The following PRELID2 variants were observed in gnomAD, a reference collection of about 807,000 sequenced individuals.
PRELID2 encodes PRELI domain containing 2, also known as PRELI domain-containing protein 2.
A neutral mutation model predicts 28.4 loss-of-function variants in PRELID2; 25 were observed. The ratio of observed to expected loss-of-function variants is 0.88; its 90% CI spans 0.64 to 1.23. PRELID2 has a LOEUF of 1.23. PRELID2 is among the 50% of genes most tolerant of loss of function. The pLI is 0.00. For synonymous variants in PRELID2, 76 were observed against 71.6 expected, an observed-to-expected ratio of 1.06 and a Z score of -0.31; for missense variants, 201 against 214.4, an observed-to-expected ratio of 0.94 and a Z score of 0.39.
chr5:145,465,448 C>A, the PRELID2 span, among the ~76,000 whole-genome samples: 1 of 152,124 alleles, frequency 6.6e-6, no homozygotes, highest in African/African-American at 2.4e-5. Flanking sequence ...AAACCCAGAT[C>A]TTTCTCTCTG....
At chr5:145,471,155 A>G (rs148276366), downstream of PRELID2, among the ~76,000 whole-genome samples, 127 of 152,216 alleles carry the variant, frequency 8.3e-4, no homozygotes, top group African/African-American at 2.9e-3. Flanking sequence ...TAAGAAGCCA[A>G]ATTGACAGGC....
chr5:145,640,189 A>G (rs1272904751), intron 1 of PRELID2, among the ~76,000 whole-genome samples: 1 of 151,574 alleles, frequency 6.6e-6, no homozygotes, highest in Non-Finnish European at 1.5e-5. Flanking sequence ...GAAAAAATAC[A>G]AAAAAATTGG....
chr5:145,668,891 T>C (rs1754648756), intron 1 of PRELID2, among the ~76,000 whole-genome samples: 1 of 152,132 alleles, frequency 6.6e-6, no homozygotes, highest in African/African-American at 2.4e-5. Context: ...GCTTGACTAA[T>C]AGCTTAATCG....
chr5:145,556,177 CA>C (rs1231402100), intron 1 of PRELID2, among the ~76,000 whole-genome samples: 664 of 61,224 alleles, frequency 0.011, 1 homozygote, highest in African/African-American at 0.021. Flanking sequence ...GACTCTATCT[CA>C]AAAAAAAAAA....
chr5:145,703,707 G>C (rs995599685), intron 1 of PRELID2, among the ~76,000 whole-genome samples: 3 of 152,158 alleles, frequency 2.0e-5, no homozygotes, highest in African/African-American at 7.2e-5. Context: ...AGAAAAGAGA[G>C]ATGTTCAAGA....
Position 145,796,560 on chromosome 5 carries a change from CA to C in PRELID2, c.369-14del. 1 of 1,523,830 alleles carries C rather than the reference CA, an allele frequency of 6.6e-7. No homozygotes were observed. Among genetic ancestry groups the C allele is most frequent in the Non-Finnish European group, 9.0e-7 (1 of 1,113,790 alleles). The allele number at this position is 1,523,830 out of a possible 1,614,324, so 94.4% of individuals were successfully genotyped here. Reference sequence around the variant, plus strand: ...AATGAACTCTGTCCTGCAAAAAAAACAAAAAACACATCTTTGATGTCATTCT... The same window carrying C: ...AATGAACTCTGTCCTGCAAAAAAAACAAAAACACATCTTTGATGTCATTCT... On this transcript the variant is annotated splice_polypyrimidine_tract_variant and intron_variant, in intron 4 of 6. Transcript: ENST00000683046.
intron 1 of PRELID2, among the ~76,000 whole-genome samples, chr5:145,740,972 A>G (rs1233965594): frequency 8.7e-6 from 1 of 114,340 alleles, no homozygotes; most frequent in East Asian, 2.8e-4. Context: ...AGTATATATT[A>G]TATATTTGTG....
the PRELID2 span, among the ~76,000 whole-genome samples, chr5:145,280,239 T>A: frequency 2.0e-5 from 3 of 152,128 alleles, no homozygotes; most frequent in East Asian, 5.8e-4. Context: ...TATAAAAACC[T>A]CACACATTTT....
At chr5:145,403,583 G>A in the PRELID2 span, among the ~76,000 whole-genome samples, 1 of 152,138 alleles carries the variant, frequency 6.6e-6, no homozygotes, top group Non-Finnish European at 1.5e-5. Context: ...CAAAACACCT[G>A]CACTCAGACC....
At chr5:145,421,133 G>T in the PRELID2 span, among the ~76,000 whole-genome samples, 2 of 152,006 alleles carry the variant, frequency 1.3e-5, no homozygotes, top group African/African-American at 4.8e-5. Context: ...GATTCGTTTT[G>T]CTAGTATTTT....
rs1004664404 is a variant in PRELID2 at position 145,522,818 on chromosome 5, G to T, written n.71-49503C>A. Among the ~76,000 whole-genome samples, 7 of 151,296 alleles carry T rather than the reference G, an allele frequency of 4.6e-5. No homozygotes were observed. In the East Asian group the frequency reaches 1.4e-3, roughly 29 times the overall value. ...GAGGAGGAGGATGAGAGGGGGAGGA[G>T]GAGTAGGAGAAGAAGAAGGAGGAGG... is the stretch of plus-strand genomic sequence containing the variant. On this transcript the variant is annotated intron_variant and non_coding_transcript_variant, in intron 1 of 2. Transcript: ENST00000510259.
the PRELID2 span, among the ~76,000 whole-genome samples, chr5:145,298,157 G>A: frequency 1.5e-3 from 227 of 152,144 alleles, no homozygotes; most frequent in Admixed American, 4.7e-3. Context: ...AGCCCGCATC[G>A]CCCAGTCAAT....
intron 1 of PRELID2, among the ~76,000 whole-genome samples, chr5:145,513,911 G>A (rs1752488831): frequency 6.6e-6 from 1 of 151,998 alleles, no homozygotes; most frequent in African/African-American, 2.4e-5. Flanking sequence ...CATAAGCGAG[G>A]GAAAAATAAA....
intron 1 of PRELID2, among the ~76,000 whole-genome samples, chr5:145,695,463 C>A (rs1319717796): frequency 6.6e-6 from 1 of 152,202 alleles, no homozygotes; most frequent in Non-Finnish European, 1.5e-5. Flanking sequence ...CAGACTATAT[C>A]ACTTTTTTAG....
the PRELID2 span, among the ~76,000 whole-genome samples, chr5:145,408,398 TATA>T: frequency 8.5e-5 from 2 of 23,586 alleles, no homozygotes; most frequent in African/African-American, 4.9e-4. Flanking sequence ...AAGAAATTTA[TATA>T]TATATATATA....
chr5:145,389,048 C>T, the PRELID2 span, among the ~76,000 whole-genome samples: 1 of 152,148 alleles, frequency 6.6e-6, no homozygotes, highest in Admixed American at 6.6e-5. Flanking sequence ...ATAATAGATG[C>T]TTGATAAATA....
intron 1 of PRELID2, among the ~76,000 whole-genome samples, chr5:145,724,533 T>C (rs751117766): frequency 4.1e-5 from 6 of 145,794 alleles, no homozygotes; most frequent in Non-Finnish European, 6.0e-5. Flanking sequence ...CCTGATTCCA[T>C]ACTTATACTT....
At chr5:145,294,781 A>C in the PRELID2 span, among the ~76,000 whole-genome samples, 3 of 152,154 alleles carry the variant, frequency 2.0e-5, no homozygotes, top group Non-Finnish European at 4.4e-5. Context: ...CTATTTCTGC[A>C]TTTAATGCCA....
intron 1 of PRELID2, among the ~76,000 whole-genome samples, chr5:145,686,201 G>T (rs79083873): frequency 0.011 from 1,747 of 152,130 alleles, 33 homozygotes; most frequent in African/African-American, 0.039. Flanking sequence ...CAATAGAATT[G>T]CCTCACCCAA....
Sources: allele counts gnomAD v4.1 joint callset (sites outside exome capture counted in the v4.1 genomes callset), GRCh38; gene constraint gnomAD v4.1.1; transcripts MANE v1.5; gene names NCBI Gene and HGNC (gene_info 2026-07-23, HGNC 2026-07-21).